MRPS6: variants seen among roughly 807,000 people sequenced by gnomAD.
MRPS6 encodes the protein small ribosomal subunit protein bS6m.
A neutral mutation model predicts 13.1 loss-of-function variants in MRPS6; 6 were observed. The ratio of observed to expected loss-of-function variants is 0.46; its 90% CI spans 0.25 to 0.91. The LOEUF is 0.91. MRPS6 is among the 40% of genes least tolerant of loss of function. The pLI, the probability that MRPS6 is intolerant of heterozygous loss-of-function variation, is 0.18. For synonymous variants in MRPS6, 61 were observed against 56.5 expected (o/e 1.08, Z -0.36); for missense variants, 164 against 155.6 (o/e 1.05, Z -0.29).
At chr21:34,082,545 C>CA (rs1291408264) in intron 1 of MRPS6, among the ~76,000 whole-genome samples, 1 of 151,564 alleles carries the variant, frequency 6.6e-6, no homozygotes, top group East Asian at 1.9e-4. Flanking sequence ...TTTTTTTGCT[C>CA]AGAGTGTATC....
chr21:34,095,412 G>T (rs1157562524), intron 1 of MRPS6: 2 of 1,614,038 alleles, frequency 1.2e-6, no homozygotes, highest in African/African-American at 1.3e-5. Flanking sequence ...GGCAGGATCT[G>T]GAGCTGCAAG....
In MRPS6 at chr21:34,092,014, C is replaced by T. The variant is rs183323622; in HGVS notation, c.45+18269C>T. On this transcript the variant is annotated intron_variant, in intron 1 of 2. Coordinates refer to ENST00000399312, the MANE Select transcript of MRPS6 (RefSeq NM_032476.4). ...TATAAAAATACAAGTTAAAAAGCCT[C>T]ATGTTAGCTGAAGATTCTTCCATGT... is the stretch of plus-strand genomic sequence containing the variant. 3.3e-3 allele frequency among the ~76,000 whole-genome samples: 505 copies of T among 152,154 alleles called. 5 individuals are homozygous for T. Among genetic ancestry groups the T allele is most frequent in the African/African-American group, 0.011 (475 of 41,536 alleles).
intron 1 of MRPS6, among the ~76,000 whole-genome samples, chr21:34,087,014 A>C (rs979987895): frequency 6.6e-6 from 1 of 152,244 alleles, no homozygotes. Flanking sequence ...CGACAGTTGC[A>C]GCAGTAAAAC....
At chr21:34,103,749 GT>G (rs1979353649) in intron 1 of MRPS6, 13 of 999,692 alleles carry the variant, frequency 1.3e-5, no homozygotes, top group Non-Finnish European at 1.6e-5. Flanking sequence ...GGTCCTAATG[GT>G]AAGGGACCCA....
rs768082218 is a variant in MRPS6, at chr21:34,096,225, A to G, written c.45+22480A>G. On this transcript the variant is annotated intron_variant, in intron 1 of 2. Coordinates refer to ENST00000399312, the MANE Select transcript of MRPS6 (RefSeq NM_032476.4). This position sits in a 1 kb window ranked among gnomAD's most constrained non-coding sequence, Gnocchi z 5.9. Reference sequence around the variant, plus strand: ...GCACTGCATGCTGGTGTGTGGAAGCAGAGCTGGTTGCTCCAATATTGCTTA... The same window carrying G: ...GCACTGCATGCTGGTGTGTGGAAGCGGAGCTGGTTGCTCCAATATTGCTTA... 1.1e-5 allele frequency: 18 copies of G among 1,614,208 alleles called. No individual in the cohort carries two copies. Among genetic ancestry groups the G allele is most frequent in the Non-Finnish European group, 1.5e-5 (18 of 1,180,020 alleles).
At chr21:34,116,212 GTGTGTA>G (rs1348188334) in intron 1 of MRPS6, among the ~76,000 whole-genome samples, 3 of 145,814 alleles carry the variant, frequency 2.1e-5, no homozygotes, top group Non-Finnish European at 4.5e-5. Context: ...GTGTGTGTGT[GTGTGTA>G]TGTGTGTTTT....
Position 34,073,636 on chromosome 21 carries a change from C to T in MRPS6, c.-65C>T, listed in dbSNP as rs1473798071. The T allele has an allele frequency of 9.2e-6, 13 of 1,410,610 alleles. No individual in the cohort carries two copies. Among genetic ancestry groups the T allele is most frequent in the Non-Finnish European group, 1.2e-5 (12 of 1,033,992 alleles). 87.4% of individuals were successfully genotyped at this position (1,410,610 alleles called of 1,614,324 possible). A position where few individuals can be genotyped will look rare whatever the true frequency, so the allele number is the denominator to read the frequency against. On this transcript the variant is annotated 5_prime_UTR_variant, in exon 1 of 3. Coordinates refer to ENST00000399312, the MANE Select transcript of MRPS6 (RefSeq NM_032476.4). ...GTTTCTAGGTCCCCACTGTCCCCGC[C>T]GTCCCGCCCCTTCGCGTCCCGGGAA...
chr21:34,089,762 A>G (rs1051199848), intron 1 of MRPS6, among the ~76,000 whole-genome samples: 7 of 152,222 alleles, frequency 4.6e-5, no homozygotes, highest in African/African-American at 1.4e-4. Context: ...AACTTCACCC[A>G]TCAGAATACA....
chr21:34,092,799 ACT>A (rs902124438), intron 1 of MRPS6, among the ~76,000 whole-genome samples: 2 of 151,966 alleles, frequency 1.3e-5, no homozygotes, highest in African/African-American at 4.8e-5. Context: ...AGAAATACCC[ACT>A]GTGTTTTTCT....
intron 1 of MRPS6, among the ~76,000 whole-genome samples, chr21:34,111,310 G>A (rs927411950): frequency 6.6e-5 from 10 of 152,154 alleles, no homozygotes; most frequent in Non-Finnish European, 1.3e-4. Context: ...ATAAGAAATA[G>A]AACATTACCA....
chr21:34,075,580 A>G (rs1402166660), intron 1 of MRPS6, among the ~76,000 whole-genome samples: 1 of 152,216 alleles, frequency 6.6e-6, no homozygotes, highest in African/African-American at 2.4e-5. Context: ...AGTAGATAAT[A>G]AAGGTGAACT....
intron 1 of MRPS6, chr21:34,095,824 G>A: frequency 4.3e-6 from 7 of 1,613,976 alleles, no homozygotes; most frequent in Non-Finnish European, 5.9e-6. Context: ...GAGATTGGCG[G>A]GTTTGAGGAA....
intron 1 of MRPS6, chr21:34,099,507 T>C (rs1235799566): frequency 2.0e-6 from 2 of 999,606 alleles, no homozygotes; most frequent in Non-Finnish European, 2.4e-6. Context: ...AAATTTTCTT[T>C]GAACCACATT....
At chr21:34,089,458 A>G (rs1288449447) in intron 1 of MRPS6, among the ~76,000 whole-genome samples, 12 of 152,056 alleles carry the variant, frequency 7.9e-5, no homozygotes. Context: ...TGCCATATCT[A>G]CAAGGTCTTA....
intron 2 of MRPS6, among the ~76,000 whole-genome samples, chr21:34,140,974 G>T (rs1254908330): frequency 2.0e-5 from 3 of 152,158 alleles, no homozygotes; most frequent in Non-Finnish European, 4.4e-5. Context: ...AAGAGTAAAT[G>T]GTCACTTGGT....
intron 1 of MRPS6, chr21:34,104,135 T>A: frequency 1.0e-6 from 1 of 999,942 alleles, no homozygotes; most frequent in Non-Finnish European, 1.2e-6. Flanking sequence ...ATTTTTTTCC[T>A]ATACTTGACT....
intron 1 of MRPS6, among the ~76,000 whole-genome samples, chr21:34,086,397 G>A (rs1211113558): frequency 6.6e-6 from 1 of 152,108 alleles, no homozygotes; most frequent in Non-Finnish European, 1.5e-5. Flanking sequence ...TAGCATCCCT[G>A]TACTCATAGC....
chr21:34,132,000 A>G (rs1253704707), intron 2 of MRPS6, among the ~76,000 whole-genome samples: 1 of 152,212 alleles, frequency 6.6e-6, no homozygotes, highest in Non-Finnish European at 1.5e-5. Flanking sequence ...AATAGGTAAG[A>G]AGAAAAGGAT....
intron 1 of MRPS6, among the ~76,000 whole-genome samples, chr21:34,091,675 T>G (rs2148657818): frequency 6.6e-6 from 1 of 152,342 alleles, no homozygotes; most frequent in South Asian, 2.1e-4. Context: ...CAAAACTGCA[T>G]TCTAATTCTG....
Sources: allele counts gnomAD v4.1 joint callset (sites outside exome capture counted in the v4.1 genomes callset), GRCh38; gene constraint gnomAD v4.1.1; non-coding constraint Gnocchi (gnomAD v3.1); transcripts MANE v1.5; gene names NCBI Gene and HGNC (gene_info 2026-07-23, HGNC 2026-07-21).